The following LRRC38 variants were observed in gnomAD, a reference collection of about 807,000 sequenced individuals.
LRRC38 encodes leucine-rich repeat-containing protein 38.
Under a neutral mutation model 16.4 loss-of-function variants are expected in LRRC38, and 5 were observed. The observed-to-expected ratio is 0.31, with a 90% CI of 0.16 to 0.64. The LOEUF is 0.64. Ranked by LOEUF, LRRC38 falls within the 30% of genes least tolerant of loss-of-function variation. LRRC38 has a pLI of 0.80. For missense variants in LRRC38, 341 were observed against 401.8 expected (o/e 0.85, Z 1.29); for synonymous variants, 191 against 190.2 (o/e 1.00, Z -0.04).
At chr1:13,484,895 G>A (rs1638912203) in intron 1 of LRRC38, among the ~76,000 whole-genome samples, 3 of 152,220 alleles carry the variant, frequency 2.0e-5, no homozygotes, top group African/African-American at 7.2e-5. Context: ...AGGTTATCCA[G>A]CTAAGAATGG....
chr1:13,497,361 C>T (rs1639091277), intron 1 of LRRC38, among the ~76,000 whole-genome samples: 1 of 152,140 alleles, frequency 6.6e-6, no homozygotes, highest in Non-Finnish European at 1.5e-5. Flanking sequence ...GATTTACCTC[C>T]CTCCGAGTCA....
intron 1 of LRRC38, among the ~76,000 whole-genome samples, chr1:13,486,569 T>C (rs1342426320): frequency 1.3e-5 from 2 of 151,038 alleles, no homozygotes; most frequent in African/African-American, 4.9e-5. Context: ...TCTCACCCAT[T>C]AAATATGTCT....
intron 1 of LRRC38, among the ~76,000 whole-genome samples, chr1:13,502,746 A>C (rs1216339663): frequency 6.6e-6 from 1 of 152,218 alleles, no homozygotes. Flanking sequence ...CCTCAGGATG[A>C]CGGGCAAGGG....
intron 1 of LRRC38, among the ~76,000 whole-genome samples, chr1:13,489,275 A>G (rs994578987): frequency 1.2e-4 from 18 of 152,316 alleles, no homozygotes; most frequent in African/African-American, 3.6e-4. Context: ...CTGGTAGAAC[A>G]GCTTCCCCTG....
rs1330601592 is a variant in LRRC38 at position 13,513,713 on chromosome 1, C to A, written c.-120G>T. Reference sequence around the variant, plus strand: ...GCGGGGAGCCAGAGGGCGGCCCGGGCGGGGAGGGCGTGCGCCCGGGCGTGC... The same window carrying A: ...GCGGGGAGCCAGAGGGCGGCCCGGGAGGGGAGGGCGTGCGCCCGGGCGTGC... On this transcript the variant is annotated 5_prime_UTR_variant, in exon 1 of 2. Transcript: ENST00000376085. 8 of 500,380 alleles carry A rather than the reference C, an allele frequency of 1.6e-5. No homozygotes were observed. The highest frequency in any genetic ancestry group is 2.3e-5 in the African/African-American group (1 of 43,792). The allele number at this position is 500,380 out of a possible 1,614,324, so 31.0% of individuals were successfully genotyped here. A position where few individuals can be genotyped will look rare whatever the true frequency, so the allele number is the denominator to read the frequency against.
chr1:13,488,568 C>A (rs1638968254), intron 1 of LRRC38, among the ~76,000 whole-genome samples: 1 of 152,288 alleles, frequency 6.6e-6, no homozygotes, highest in Non-Finnish European at 1.5e-5. Context: ...CCGTGACTGG[C>A]TGAACACATT....
At chr1:13,512,927 C>CAA in intron 1 of LRRC38, 36 bp downstream of exon 1, 10 of 1,333,534 alleles carry the variant, frequency 7.5e-6, no homozygotes, top group Non-Finnish European at 1.0e-5. Context: ...CCCTGCCCCC[C>CAA]TCCCTCCCTC....
intron 1 of LRRC38, among the ~76,000 whole-genome samples, chr1:13,492,460 G>A (rs923495987): frequency 1.3e-5 from 2 of 152,110 alleles, no homozygotes; most frequent in African/African-American, 2.4e-5. Flanking sequence ...CAGCACTTTG[G>A]GAGGCCGAGG....
intron 1 of LRRC38, among the ~76,000 whole-genome samples, chr1:13,505,145 G>C (rs140828168): frequency 6.6e-6 from 1 of 152,264 alleles, no homozygotes; most frequent in Admixed American, 6.5e-5. Flanking sequence ...CTGTGGCCTC[G>C]GCATCCTGAA....
Position 13,509,032 on chromosome 1 carries a change from C to A in LRRC38, c.631+3931G>T, listed in dbSNP as rs1317811913. On this transcript the variant is annotated intron_variant, in intron 1 of 1. Coordinates refer to ENST00000376085, the MANE Select transcript of LRRC38 (RefSeq NM_001010847.2). ...GGTCTGCCCCATGGGGTACCCAAGC[C>A]CCCGAATGCTCAGATGCTCCAGACG... Among the ~76,000 whole-genome samples, 4 of 152,234 alleles carry A rather than the reference C, an allele frequency of 2.6e-5. No homozygotes were observed. The South Asian group carries it at 8.3e-4, about 32-fold the overall frequency.
chr1:13,503,649 G>A (rs977070466), intron 1 of LRRC38, among the ~76,000 whole-genome samples: 13 of 152,198 alleles, frequency 8.5e-5, no homozygotes, highest in Non-Finnish European at 1.9e-4. Flanking sequence ...CTGACCCTGG[G>A]GGCATCTGGG....
chr1:13,493,151 G>A (rs1482778840), intron 1 of LRRC38, among the ~76,000 whole-genome samples: 1 of 151,888 alleles, frequency 6.6e-6, no homozygotes, highest in Admixed American at 6.6e-5. Flanking sequence ...TTCCTGGCAA[G>A]TCAGAAATCA....
In LRRC38 at chr1:13,492,913, C is replaced by A. The variant is rs60056622; in HGVS notation, c.632-16814G>T. Among the ~76,000 whole-genome samples, 139 of 152,234 alleles carry A rather than the reference C, an allele frequency of 9.1e-4. 1 individual carries two copies. Among genetic ancestry groups the A allele is most frequent in the East Asian group, 3.7e-3 (19 of 5,170 alleles). On this transcript the variant is annotated intron_variant, in intron 1 of 1. Coordinates refer to ENST00000376085, the MANE Select transcript of LRRC38 (RefSeq NM_001010847.2). ...TCTGCTCTGCCGCTCCCCTCTCCCC[C>A]CTGACCCAGGCCTAACCTCCGACCA...
At chr1:13,485,332 C>T (rs1638918792) in intron 1 of LRRC38, among the ~76,000 whole-genome samples, 3 of 149,730 alleles carry the variant, frequency 2.0e-5, no homozygotes, top group South Asian at 4.2e-4. Context: ...AATCCCAGCA[C>T]TTTGGGAGGC....
At chr1:13,499,332 C>G (rs1196031205) in intron 1 of LRRC38, among the ~76,000 whole-genome samples, 1 of 152,190 alleles carries the variant, frequency 6.6e-6, no homozygotes, top group East Asian at 1.9e-4. Context: ...CACCTGACCT[C>G]AAGTGATCCA....
At chr1:13,480,595 A>G (rs1638840672) in intron 1 of LRRC38, among the ~76,000 whole-genome samples, 2 of 152,184 alleles carry the variant, frequency 1.3e-5, no homozygotes, top group Non-Finnish European at 2.9e-5. Context: ...GAGATAATTG[A>G]ATCACGGGGT....
At chr1:13,484,913 G>C (rs550566581) in intron 1 of LRRC38, among the ~76,000 whole-genome samples, 1 of 152,200 alleles carries the variant, frequency 6.6e-6, no homozygotes, top group South Asian at 2.1e-4. Context: ...TGGAAGAGCC[G>C]GGATCTAGAA....
chr1:13,499,223 C>T (rs566505545), intron 1 of LRRC38, among the ~76,000 whole-genome samples: 7 of 152,104 alleles, frequency 4.6e-5, no homozygotes, highest in Non-Finnish European at 1.0e-4. Context: ...CTCCATCTCC[C>T]GAGTAGCTGG....
At position 13,513,416 on chromosome 1, in the gene LRRC38, T is replaced by A. The variant is rs1045968642; in HGVS notation, c.178A>T (p.Lys60Ter). 1.9e-6 allele frequency: 3 copies of A among 1,550,360 alleles called. No individual in the cohort carries two copies. The African/African-American group carries it at 4.1e-5, about 21-fold the overall frequency. ...ATGCGGTTGCCGGCCACCAGCAGCT[T>A]GCGCACGTCCAGGGGGAAAGGGTCT... Reference protein sequence around the residue: ...VPDPFPLDVRKLLVAGNRIQR... With the variant: ...VPDPFPLDVR Residue 60 changes from lysine to a stop codon, truncating the protein, a stop_gained, in exon 1 of 2, where the codon AAG becomes TAG. Coordinates refer to ENST00000376085, the MANE Select transcript of LRRC38 (RefSeq NM_001010847.2). LOFTEE classifies it high-confidence loss of function.
Sources: gnomAD v4.1 joint callset for allele counts (sites outside exome capture counted in the v4.1 genomes callset) on GRCh38, gnomAD v4.1.1 for gene constraint, MANE v1.5 for transcripts, NCBI Gene and HGNC (gene_info 2026-07-23, HGNC 2026-07-21) for gene names.